The following MAST4 variants were observed in gnomAD, a reference collection of about 807,000 sequenced individuals.
MAST4 encodes the protein microtubule-associated serine/threonine-protein kinase 4.
In MAST4, 89 loss-of-function variants were observed where a neutral mutation model predicts 162.7. The ratio of observed to expected loss-of-function variants is 0.55; its 90% CI spans 0.46 to 0.65. MAST4 has a LOEUF of 0.65. MAST4 is among the 30% of genes least tolerant of loss of function. The pLI, the probability that MAST4 is intolerant of heterozygous loss-of-function variation, is 0.00. For missense variants in MAST4, 3,153 were observed against 3,374.0 expected, an observed-to-expected ratio of 0.93 and a Z score of 1.62; for synonymous variants, 1,479 against 1,361.1, an observed-to-expected ratio of 1.09 and a Z score of -1.91.
intron 4 of MAST4, among the ~76,000 whole-genome samples, chr5:66,965,597 G>GGC (rs1554074255): frequency 1.9e-4 from 21 of 109,164 alleles, no homozygotes; most frequent in African/African-American, 7.3e-4. Context: ...CGGGGGGGGG[G>GGC]GCGGTGAAGG....
chr5:66,755,368 A>T (rs1753472148), intron 1 of MAST4, among the ~76,000 whole-genome samples: 1 of 152,214 alleles, frequency 6.6e-6, no homozygotes. Flanking sequence ...AATATTTAAA[A>T]ACTATGAATT....
chr5:66,622,153 A>G (rs899627593), intron 1 of MAST4, among the ~76,000 whole-genome samples: 6 of 152,126 alleles, frequency 3.9e-5, no homozygotes, highest in Admixed American at 6.6e-5. Context: ...ATAGATTTTG[A>G]CAGCATGGTC....
At chr5:66,973,137 G>T (rs1747664462) in intron 4 of MAST4, among the ~76,000 whole-genome samples, 1 of 151,958 alleles carries the variant, frequency 6.6e-6, no homozygotes. Context: ...CAGACATTCA[G>T]GCACTTCACC....
intron 4 of MAST4, among the ~76,000 whole-genome samples, chr5:66,950,989 C>T (rs923001777): frequency 6.6e-6 from 1 of 152,154 alleles, no homozygotes; most frequent in African/African-American, 2.4e-5. Context: ...CATTCAGTCT[C>T]ATTGCTGTGT....
chr5:66,653,451 C>A (rs1359038456), intron 1 of MAST4, among the ~76,000 whole-genome samples: 1 of 152,184 alleles, frequency 6.6e-6, no homozygotes, highest in African/African-American at 2.4e-5. Context: ...ACAGTGCCAG[C>A]ATGACATTGC....
At chr5:67,047,448 C>G (rs1475863246) in intron 4 of MAST4, among the ~76,000 whole-genome samples, 3 of 152,236 alleles carry the variant, frequency 2.0e-5, no homozygotes, top group Non-Finnish European at 4.4e-5. Context: ...TCCTTGCTTT[C>G]TGGTCTTATC....
intron 1 of MAST4, among the ~76,000 whole-genome samples, chr5:66,679,661 C>A (rs976163957): frequency 2.0e-5 from 3 of 151,790 alleles, no homozygotes; most frequent in African/African-American, 7.3e-5. Context: ...ATGGTTACAC[C>A]ATTCCAATGA....
At chr5:66,789,979 C>A in intron 3 of MAST4, among the ~76,000 whole-genome samples, 1 of 99,300 alleles carries the variant, frequency 1.0e-5, no homozygotes. Flanking sequence ...GTTTAACATG[C>A]TTATTAGAAT....
intron 19 of MAST4, among the ~76,000 whole-genome samples, chr5:67,137,346 A>G (rs1016605449): frequency 6.6e-6 from 1 of 152,192 alleles, no homozygotes; most frequent in African/African-American, 2.4e-5. Flanking sequence ...TAGCAATCCC[A>G]GTATAGAGTC....
At chr5:67,065,978 G>A (rs1339753899) in intron 5 of MAST4, among the ~76,000 whole-genome samples, 2 of 152,144 alleles carry the variant, frequency 1.3e-5, no homozygotes, top group Non-Finnish European at 2.9e-5. Flanking sequence ...CTGGGGAGGA[G>A]GAGCCCATCA....
chr5:66,630,677 A>G (rs114732747), intron 1 of MAST4, among the ~76,000 whole-genome samples: 2,416 of 152,290 alleles, frequency 0.016, 67 homozygotes, highest in African/African-American at 0.054. Flanking sequence ...CAGTATGTAT[A>G]GTTAAACTTG....
chr5:66,843,852 G>A (rs1758602763), intron 3 of MAST4, among the ~76,000 whole-genome samples: 4 of 152,016 alleles, frequency 2.6e-5, no homozygotes, highest in Admixed American at 1.3e-4. Flanking sequence ...AGCACAAAGC[G>A]GTTGCACAAA....
At chr5:66,818,409 G>A (rs939815965) in intron 3 of MAST4, among the ~76,000 whole-genome samples, 1 of 148,332 alleles carries the variant, frequency 6.7e-6, no homozygotes, top group African/African-American at 2.4e-5. Flanking sequence ...GTAGTATAAA[G>A]AGAAATTTTG....
intron 3 of MAST4, among the ~76,000 whole-genome samples, chr5:66,866,528 G>C (rs71626450): frequency 0.011 from 1,740 of 152,214 alleles, 30 homozygotes; most frequent in South Asian, 0.054. Flanking sequence ...TATTTTCATG[G>C]AATATTTTTG....
intron 1 of MAST4, among the ~76,000 whole-genome samples, chr5:66,611,714 C>G (rs945035291): frequency 6.6e-6 from 1 of 152,194 alleles, no homozygotes; most frequent in Admixed American, 6.5e-5. Flanking sequence ...GGAAGGTGCT[C>G]GCTTTGTACT....
chr5:66,931,568 TTGA>T (rs1421394059), intron 4 of MAST4, among the ~76,000 whole-genome samples: 2 of 152,202 alleles, frequency 1.3e-5, no homozygotes. Flanking sequence ...TAGTTGTCAC[TTGA>T]TGAAACAAGA....
At position 66,596,862 on chromosome 5, in the gene MAST4, G is replaced by A; in HGVS notation, c.207G>A (p.Leu69=). The stretch of plus-strand genomic sequence containing the variant: ...ATCAGCCGCCGCCGCCGCCGCCGTT[G>A]GGAGGCACCCTGGGCGCCCGGGCGC... ...REHQPPPPPP[L]GGTLGARAPA... Residue 69 remains leucine, a synonymous_variant, in exon 1 of 29, where the codon TTG becomes TTA. Coordinates refer to ENST00000403625, the MANE Select transcript of MAST4 (RefSeq NM_001164664.2). The A allele has an allele frequency of 7.7e-7, 1 of 1,297,836 alleles. No individual in the cohort carries two copies. The highest frequency in any genetic ancestry group is 9.8e-7 in the Non-Finnish European group (1 of 1,024,354). 80.4% of individuals were successfully genotyped at this position (1,297,836 alleles called of 1,614,324 possible).
intron 3 of MAST4, among the ~76,000 whole-genome samples, chr5:66,887,873 G>A (rs1253750107): frequency 2.6e-5 from 4 of 152,130 alleles, no homozygotes; most frequent in South Asian, 4.1e-4. Context: ...CTTCATTCTC[G>A]AAGTTCTCAA....
chr5:66,759,501 C>T (rs1430897439), intron 1 of MAST4, among the ~76,000 whole-genome samples: 2 of 152,138 alleles, frequency 1.3e-5, no homozygotes, highest in East Asian at 1.9e-4. Context: ...TCACTGCTGT[C>T]GAGATTTTGC....
Sources: allele counts gnomAD v4.1 joint callset (sites outside exome capture counted in the v4.1 genomes callset), GRCh38; gene constraint gnomAD v4.1.1; transcripts MANE v1.5; gene names NCBI Gene and HGNC (gene_info 2026-07-23, HGNC 2026-07-21).